Variants in DDX31 observed in about 807,000 individuals in gnomAD.
DDX31 encodes ATP-dependent DNA helicase DDX31.
In DDX31, 70 loss-of-function variants were observed where a neutral mutation model predicts 91.3. The observed-to-expected ratio is 0.77, with a 90% CI of 0.63 to 0.94. The LOEUF (loss-of-function observed/expected upper bound fraction) is 0.94, where lower values mean the gene tolerates loss of function less well. Ranked by LOEUF, DDX31 falls within the 40% of genes least tolerant of loss-of-function variation. DDX31 has a pLI of 0.00. For synonymous variants in DDX31, 362 were observed against 350.6 expected (o/e 1.03, Z -0.36); for missense variants, 902 against 925.0 (o/e 0.98, Z 0.32).
intron 17 of DDX31, among the ~76,000 whole-genome samples, chr9:132,623,551 C>CAAAAAAAAAAAAAAAAAAAAAAAAA (rs34868804): frequency 1.5e-5 from 1 of 66,728 alleles, no homozygotes; most frequent in African/African-American, 5.8e-5. Context: ...GACTCCATCT[C>CAAAAAAAAAAAAAAAAAAAAAAAAA]AAAAAAAAAA....
Position 132,648,201 on chromosome 9 carries a change from T to C in DDX31, c.955A>G (p.Thr319Ala). The change falls in exon 11 of 20, where the codon ACA (threonine) becomes GCA (alanine). Residue 319 changes from threonine to alanine, a missense_variant. Physicochemically the swap from Thr to Ala is moderately conservative, Grantham distance 58. Coordinates refer to ENST00000372159, the MANE Select transcript of DDX31 (RefSeq NM_022779.9). ...QKRQNVLLSA[T>A]LTEGVTRLAD... ...CTTTTCAACTCACCTTCTGTGAGTGTCGCTGATAGCAAGACATTCTGTCGT... is the reference window on the plus strand; with the variant it reads ...CTTTTCAACTCACCTTCTGTGAGTGCCGCTGATAGCAAGACATTCTGTCGT... 1.2e-6 allele frequency: 2 copies of C among 1,613,522 alleles called. No individual in the cohort carries two copies. Among genetic ancestry groups the C allele is most frequent in the South Asian group, 1.1e-5 (1 of 90,966 alleles).
At position 132,595,160 on chromosome 9, in the gene DDX31, C is replaced by G; in HGVS notation, c.1995-48G>C. ...AGGGAAAAGAAACTTTATTATTTTT[C>G]TTTCCCATTTGGAAAGAGGCTGATA... On this transcript the variant is annotated intron_variant, in intron 19 of 19. Coordinates refer to ENST00000372159, the MANE Select transcript of DDX31 (RefSeq NM_022779.9). This position sits in a 1 kb window ranked among gnomAD's most constrained non-coding sequence, Gnocchi z 4.6. The G allele has an allele frequency of 1.3e-6, 2 of 1,580,658 alleles. No individual in the cohort carries two copies. The highest frequency in any genetic ancestry group is 8.6e-7 in the Non-Finnish European group (1 of 1,164,024).
rs901718474 is a variant in DDX31 at position 132,638,109 on chromosome 9, G to A, written c.1440+3895C>T. 4 of 1,366,202 alleles carry A rather than the reference G, an allele frequency of 2.9e-6. No homozygotes were observed. The East Asian group carries it at 8.3e-5, about 28-fold the overall frequency. 84.6% of individuals were successfully genotyped at this position (1,366,202 alleles called of 1,614,324 possible). A position where few individuals can be genotyped will look rare whatever the true frequency, so the allele number is the denominator to read the frequency against. ...ATGCACGCGCCGGACAGCCAAGGAG[G>A]ATGCCAAGGGACAGTTGGCGCCCAG... On this transcript the variant is annotated intron_variant, in intron 14 of 19. Coordinates refer to ENST00000372159, the MANE Select transcript of DDX31 (RefSeq NM_022779.9).
At chr9:132,661,148 G>T (rs1590102696) in intron 4 of DDX31, 60 bp downstream of exon 4, 6 of 1,481,430 alleles carry the variant, frequency 4.1e-6, no homozygotes, top group South Asian at 2.3e-5. Context: ...GCACACACAG[G>T]TTTCGTCCGG....
intron 12 of DDX31, among the ~76,000 whole-genome samples, 167 bp from the exon 13 acceptor site, chr9:132,646,238 T>C (rs542848042): frequency 6.6e-6 from 1 of 152,354 alleles, no homozygotes; most frequent in East Asian, 1.9e-4. Context: ...TACTCCACTC[T>C]ACAAAGAATG....
intron 6 of DDX31, among the ~76,000 whole-genome samples, chr9:132,653,387 G>C (rs749753176): frequency 1.3e-5 from 2 of 150,406 alleles, no homozygotes; most frequent in Non-Finnish European, 3.0e-5. Flanking sequence ...CCAGCTCTTC[G>C]GGAGGCTGAG....
At chr9:132,603,761 G>A (rs1299768624) in intron 19 of DDX31, among the ~76,000 whole-genome samples, 4 of 152,190 alleles carry the variant, frequency 2.6e-5, no homozygotes, top group African/African-American at 9.7e-5. Flanking sequence ...GGAGAGGCTG[G>A]CTGGGTTCCT....
intron 19 of DDX31, among the ~76,000 whole-genome samples, chr9:132,608,215 T>C (rs571429022): frequency 5.1e-4 from 77 of 152,346 alleles, no homozygotes; most frequent in Admixed American, 2.0e-3. Flanking sequence ...TCTGTGTATA[T>C]GTCTATGTCG....
At chr9:132,637,977 GA>G in intron 14 of DDX31, 1 of 1,019,488 alleles carries the variant, frequency 9.8e-7, no homozygotes, top group Non-Finnish European at 1.2e-6. Flanking sequence ...AGGAGGAGAG[GA>G]AATTAAGAAC....
intron 6 of DDX31, chr9:132,658,249 A>G: frequency 1.4e-6 from 1 of 702,548 alleles, no homozygotes; most frequent in Admixed American, 2.0e-5. Flanking sequence ...TCTGCAGCCA[A>G]ACAGAACTGA....
intron 15 of DDX31, among the ~76,000 whole-genome samples, chr9:132,630,626 GAT>G (rs1832664503): frequency 6.6e-6 from 1 of 152,214 alleles, no homozygotes; most frequent in African/African-American, 2.4e-5. Context: ...CCAAGTTTCC[GAT>G]AAACGAGACG....
At chr9:132,626,632 T>C (rs1026780842) in intron 16 of DDX31, among the ~76,000 whole-genome samples, 2 of 151,790 alleles carry the variant, frequency 1.3e-5, no homozygotes, top group East Asian at 1.9e-4. Context: ...GATTTTGTTG[T>C]ATGCTCTTTT....
intron 17 of DDX31, among the ~76,000 whole-genome samples, chr9:132,622,988 G>A (rs892521935): frequency 5.9e-5 from 9 of 152,042 alleles, no homozygotes; most frequent in African/African-American, 9.7e-5. Flanking sequence ...AAAGTTAGCC[G>A]GGCATGGTGG....
intron 17 of DDX31, among the ~76,000 whole-genome samples, chr9:132,624,122 G>A (rs558394081): frequency 2.2e-4 from 29 of 133,968 alleles, no homozygotes; most frequent in African/African-American, 7.0e-4. Flanking sequence ...AGCCAAGATC[G>A]CGCCATTGCA....
In DDX31 at chr9:132,636,904, C is replaced by G. The variant is rs541619194; in HGVS notation, c.1441-4813G>C. On this transcript the variant is annotated intron_variant, in intron 14 of 19. Coordinates refer to ENST00000372159, the MANE Select transcript of DDX31 (RefSeq NM_022779.9). ...CGTGGGTCAGTTTGGCAAGCTGAGC[C>G]TCAGCTGCCCCGCCTATAAAATGGC... Among the ~76,000 whole-genome samples the G allele has an allele frequency of 2.6e-5, 4 of 152,202 alleles. No homozygotes were observed. In the South Asian group the frequency reaches 8.3e-4, roughly 32 times the overall value.
At chr9:132,620,800 C>G (rs182524390) in intron 17 of DDX31, among the ~76,000 whole-genome samples, 14 of 152,090 alleles carry the variant, frequency 9.2e-5, no homozygotes, top group Non-Finnish European at 1.9e-4. Flanking sequence ...GGTCAAACCC[C>G]TGAGGGCACA....
At chr9:132,625,841 A>G in intron 16 of DDX31, 96 bp from the exon 17 acceptor site, 1 of 850,536 alleles carries the variant, frequency 1.2e-6, no homozygotes, top group East Asian at 2.6e-5. Context: ...AGCTAATTAG[A>G]CATGAAGTAG....
In DDX31 at chr9:132,630,367, G is replaced by A. The variant is rs139345088; in HGVS notation, c.1528C>T (p.Arg510Trp). 4.1e-5 allele frequency: 66 copies of A among 1,603,110 alleles called. No homozygotes were observed. Among genetic ancestry groups the A allele is most frequent in the Non-Finnish European group, 5.2e-5 (61 of 1,171,244 alleles). The change falls in exon 16 of 20, where the codon CGG becomes TGG. Residue 510 changes from arginine (R) to tryptophan (W), a missense_variant. By Grantham distance (101) the Arg-to-Trp change is moderately radical. Transcript: ENST00000372159. ...CCAATCCGGGCGGTTCTTCCAATCC[G>A]GTGGATGTATTCTGCAGGTGAAGAT... ...APSSPAEYIH[R>W]IGRTARIGCH... is the part of the protein sequence containing the mutation.
At chr9:132,610,829 G>A (rs979069243) in intron 19 of DDX31, among the ~76,000 whole-genome samples, 1 of 152,076 alleles carries the variant, frequency 6.6e-6, no homozygotes, top group Non-Finnish European at 1.5e-5. Context: ...AGTTGAGATC[G>A]AGGCTCGGAG....
Sources: gnomAD v4.1 joint callset for allele counts (sites outside exome capture counted in the v4.1 genomes callset) on GRCh38, gnomAD v4.1.1 for gene constraint, Gnocchi (gnomAD v3.1) non-coding constraint, MANE v1.5 for transcripts, NCBI Gene and HGNC (gene_info 2026-07-23, HGNC 2026-07-21) for gene names.